COPG2: variants seen among roughly 807,000 people sequenced by gnomAD.
The protein encoded by COPG2 is coat protein complex I subunit gamma 2.
Under a neutral mutation model 46.3 loss-of-function variants are expected in COPG2, and 37 were observed. That is an observed-to-expected ratio of 0.80 (90% CI 0.61 to 1.05). The LOEUF (loss-of-function observed/expected upper bound fraction) is 1.05. COPG2 is among the 50% of genes least tolerant of loss of function. The probability of loss-of-function intolerance (pLI) is 0.00; values close to 1 mark genes in which losing one functional copy is unlikely to be tolerated. For synonymous variants in COPG2, 159 were observed against 129.7 expected, an observed-to-expected ratio of 1.23 and a Z score of -1.53; for missense variants, 427 against 387.8, an observed-to-expected ratio of 1.10 and a Z score of -0.85.
intron 20 of COPG2, among the ~76,000 whole-genome samples, chr7:130,517,320 T>A (rs1340033149): frequency 1.3e-5 from 2 of 152,194 alleles, no homozygotes; most frequent in African/African-American, 4.8e-5. Flanking sequence ...AGATCAGATG[T>A]ATTTTTAAAA....
chr7:130,611,705 AT>A (rs1554452113), intron 8 of COPG2, among the ~76,000 whole-genome samples: 1 of 152,194 alleles, frequency 6.6e-6, no homozygotes, highest in East Asian at 1.9e-4. Flanking sequence ...CCAGTGAAGA[AT>A]TTAATCTTAT....
intron 5 of COPG2, among the ~76,000 whole-genome samples, chr7:130,618,127 T>C (rs1296459840): frequency 1.0e-5 from 1 of 96,598 alleles, no homozygotes; most frequent in Non-Finnish European, 2.5e-5. Context: ...AAAGACTTTT[T>C]TTGGAAGTGT....
chr7:130,657,519 G>A (rs552561456), intron 4 of COPG2, among the ~76,000 whole-genome samples: 18 of 152,138 alleles, frequency 1.2e-4, no homozygotes, highest in African/African-American at 3.6e-4. Flanking sequence ...ACCTGTAACA[G>A]AAAAAAATTT....
intron 5 of COPG2, among the ~76,000 whole-genome samples, chr7:130,629,194 A>T (rs1327435760): frequency 6.6e-6 from 1 of 151,846 alleles, no homozygotes; most frequent in Non-Finnish European, 1.5e-5. Flanking sequence ...TGGGGGGGGT[A>T]CCTTTAAAAT....
chr7:130,524,409 G>C (rs1454148116), intron 20 of COPG2, among the ~76,000 whole-genome samples: 2 of 152,174 alleles, frequency 1.3e-5, no homozygotes, highest in Non-Finnish European at 2.9e-5. Context: ...CAGGAGAAAC[G>C]ACCAACCTGC....
intron 6 of COPG2, 64 bp from the exon 7 acceptor site, chr7:130,613,700 G>C: frequency 9.6e-7 from 1 of 1,044,252 alleles, no homozygotes; most frequent in Non-Finnish European, 1.4e-6. Context: ...TTACTCTTAT[G>C]CTTCAAAATA....
intron 20 of COPG2, among the ~76,000 whole-genome samples, chr7:130,519,266 A>T (rs2040287028): frequency 6.6e-6 from 1 of 152,198 alleles, no homozygotes; most frequent in East Asian, 1.9e-4. Flanking sequence ...AGCAAATAAG[A>T]ACTGGAGTAT....
intron 9 of COPG2, among the ~76,000 whole-genome samples, chr7:130,570,463 A>C (rs1219767509): frequency 6.6e-6 from 1 of 152,130 alleles, no homozygotes; most frequent in Non-Finnish European, 1.5e-5. Context: ...TAGCTGCAAT[A>C]AAATAAAATA....
At chr7:130,642,517 C>A (rs1482800003) in intron 5 of COPG2, among the ~76,000 whole-genome samples, 1 of 152,166 alleles carries the variant, frequency 6.6e-6, no homozygotes, top group Non-Finnish European at 1.5e-5. Context: ...TCTTTTGTGT[C>A]TGTTTTCTTT....
At chr7:130,555,394 C>T (rs1793604937) in intron 12 of COPG2, among the ~76,000 whole-genome samples, 1 of 152,084 alleles carries the variant, frequency 6.6e-6, no homozygotes, top group Non-Finnish European at 1.5e-5. Flanking sequence ...CTGTCTCAGA[C>T]AAATGATCAC....
intron 20 of COPG2, among the ~76,000 whole-genome samples, chr7:130,523,098 G>C (rs1228681094): frequency 2.1e-5 from 2 of 96,958 alleles, no homozygotes; most frequent in Non-Finnish European, 3.7e-5. Context: ...AGCCTTGGGC[G>C]ACAGAGTGAA....
chr7:130,620,971 A>G (rs1795029448), intron 5 of COPG2, among the ~76,000 whole-genome samples: 1 of 152,208 alleles, frequency 6.6e-6, no homozygotes, highest in South Asian at 2.1e-4. Context: ...TACTTTGCAG[A>G]TGTGATTAAG....
intron 9 of COPG2, chr7:130,564,619 C>A: frequency 2.8e-6 from 1 of 353,176 alleles, no homozygotes. Flanking sequence ...TCCTGAACAT[C>A]TATTTAAGAA....
intron 5 of COPG2, among the ~76,000 whole-genome samples, chr7:130,624,669 C>A (rs1441234718): frequency 6.6e-6 from 1 of 152,158 alleles, no homozygotes; most frequent in African/African-American, 2.4e-5. Context: ...ACATACGATA[C>A]TTGGTTTTCC....
Position 130,591,169 on chromosome 7 carries a change from C to T in COPG2, c.737+19784G>A, listed in dbSNP as rs1214891090. On this transcript the variant is annotated intron_variant, in intron 9 of 23. Transcript: ENST00000425248. ...GGGGGTCAGCCCCCCGCCCGGCCAG[C>T]CGCCCCGTCCGGGAGGTGAGGGGCG... Among the ~76,000 whole-genome samples the T allele has an allele frequency of 2.2e-4, 32 of 143,346 alleles. 1 individual carries two copies. 94.0% of individuals were successfully genotyped at this position (143,346 alleles called of 152,430 possible). A position where few individuals can be genotyped will look rare whatever the true frequency, so the allele number is the denominator to read the frequency against.
chr7:130,589,096 C>T (rs1554448480), intron 9 of COPG2, among the ~76,000 whole-genome samples: 1 of 151,778 alleles, frequency 6.6e-6, no homozygotes, highest in East Asian at 1.9e-4. Flanking sequence ...TCCCATAATA[C>T]AACTAAACAT....
intron 9 of COPG2, chr7:130,604,634 C>T (rs1794696072): frequency 2.2e-6 from 1 of 458,688 alleles, no homozygotes; most frequent in Non-Finnish European, 4.3e-6. Flanking sequence ...AGTGTTACGT[C>T]CTCCTTTCAA....
intron 5 of COPG2, among the ~76,000 whole-genome samples, chr7:130,626,451 T>C (rs531642872): frequency 2.7e-5 from 4 of 150,614 alleles, no homozygotes; most frequent in Middle Eastern, 3.4e-3. Context: ...GGATTTCACT[T>C]TGTTAGCCAG....
At chr7:130,550,802 C>T (rs1373734947) in intron 16 of COPG2, among the ~76,000 whole-genome samples, 153 bp from the exon 17 acceptor site, 2 of 152,128 alleles carry the variant, frequency 1.3e-5, no homozygotes, top group African/African-American at 4.8e-5. Flanking sequence ...AAAGGATATT[C>T]TTGAAATTAC....
Sources: gnomAD v4.1 joint callset for allele counts (sites outside exome capture counted in the v4.1 genomes callset) on GRCh38, gnomAD v4.1.1 for gene constraint, MANE v1.5 for transcripts, NCBI Gene and HGNC (gene_info 2026-07-23, HGNC 2026-07-21) for gene names.